Variants in HBS1L observed in about 807,000 individuals in gnomAD.
HBS1L encodes HBS1-like protein.
A neutral mutation model predicts 88.9 loss-of-function variants in HBS1L; 55 were observed. The observed-to-expected ratio is 0.62, with a 90% CI of 0.50 to 0.77. HBS1L has a LOEUF of 0.77. HBS1L is among the 30% of genes least tolerant of loss of function. The probability of loss-of-function intolerance (pLI) is 0.00; values close to 1 mark genes in which losing one functional copy is unlikely to be tolerated. For missense variants in HBS1L, 741 were observed against 829.3 expected (o/e 0.89, Z 1.31); for synonymous variants, 267 against 288.5 (o/e 0.93, Z 0.76).
chr6:135,013,195 G>A (rs1174251970), intron 4 of HBS1L, among the ~76,000 whole-genome samples: 1 of 152,144 alleles, frequency 6.6e-6, no homozygotes, highest in African/African-American at 2.4e-5. Flanking sequence ...GCCTAACAAA[G>A]ATGTTAGGAG....
At chr6:135,052,781 A>G (rs1244890456) in intron 1 of HBS1L, among the ~76,000 whole-genome samples, 1 of 152,148 alleles carries the variant, frequency 6.6e-6, no homozygotes, top group Non-Finnish European at 1.5e-5. Flanking sequence ...TAAAGTATGG[A>G]TTTTGCCTTC....
In HBS1L at chr6:134,963,110, G is replaced by A. The variant is rs1402557880; in HGVS notation, c.*2169C>T. On this transcript the variant is annotated 3_prime_UTR_variant, in exon 18 of 18. Transcript: ENST00000367837. ...GTCTTATATAATATACAGAGTGGAT[G>A]GTTTCTTGTTTTTACTCCCCCTACC... 1 of 152,054 alleles carries A rather than the reference G, an allele frequency of 6.6e-6. No homozygotes were observed. Among genetic ancestry groups the A allele is most frequent in the African/African-American group, 2.4e-5 (1 of 41,392 alleles). 9.4% of individuals were successfully genotyped at this position (152,054 alleles called of 1,614,324 possible). A position where few individuals can be genotyped will look rare whatever the true frequency, so the allele number is the denominator to read the frequency against.
intron 2 of HBS1L, among the ~76,000 whole-genome samples, chr6:135,050,090 C>G (rs563532532): frequency 2.3e-3 from 343 of 152,306 alleles, no homozygotes; most frequent in Middle Eastern, 0.01. Context: ...TGGAATTATA[C>G]AGAAATATGA....
chr6:134,985,622 C>T (rs1371521549), intron 11 of HBS1L, among the ~76,000 whole-genome samples: 3 of 152,008 alleles, frequency 2.0e-5, no homozygotes, highest in African/African-American at 7.2e-5. Flanking sequence ...TTTTTGAGCA[C>T]TGATATAATG....
intron 8 of HBS1L, among the ~76,000 whole-genome samples, chr6:134,988,645 A>G (rs1775048507): frequency 6.6e-6 from 1 of 152,242 alleles, no homozygotes; most frequent in African/African-American, 2.4e-5. Context: ...ACATTGTTAA[A>G]GATTTGAAAG....
At chr6:135,044,784 C>G (rs1363559129) in intron 2 of HBS1L, among the ~76,000 whole-genome samples, 1 of 152,110 alleles carries the variant, frequency 6.6e-6, no homozygotes, top group African/African-American at 2.4e-5. Flanking sequence ...CTCCTCCTAC[C>G]CATGAACTAG....
chr6:135,049,052 AGCC>A (rs1776999669), intron 2 of HBS1L, among the ~76,000 whole-genome samples: 1 of 152,254 alleles, frequency 6.6e-6, no homozygotes, highest in Non-Finnish European at 1.5e-5. Context: ...TTTATAAGAC[AGCC>A]CAGCGGACTA....
chr6:135,048,599 G>A (rs1562319652), intron 2 of HBS1L, among the ~76,000 whole-genome samples: 1 of 152,176 alleles, frequency 6.6e-6, no homozygotes, highest in African/African-American at 2.4e-5. Flanking sequence ...TTTCAACCTT[G>A]CCTTTTGTTC....
intron 1 of HBS1L, among the ~76,000 whole-genome samples, 177 bp downstream of exon 1, chr6:135,054,472 C>T (rs1185633806): frequency 6.6e-6 from 1 of 152,218 alleles, no homozygotes; most frequent in Non-Finnish European, 1.5e-5. Flanking sequence ...GAAATCATGA[C>T]TTAAAAACGA....
At chr6:135,038,087 A>G in intron 4 of HBS1L, 1 of 1,300,342 alleles carries the variant, frequency 7.7e-7, no homozygotes, top group Admixed American at 3.3e-5. Flanking sequence ...GAAGACAGTC[A>G]CAGCAACCAA....
chr6:135,030,183 G>A (rs968628980), intron 4 of HBS1L, among the ~76,000 whole-genome samples: 39 of 152,266 alleles, frequency 2.6e-4, no homozygotes, highest in African/African-American at 8.4e-4. Context: ...AAAAACAAGT[G>A]TATATACAAC....
rs576542434 is a variant in HBS1L at position 134,979,847 on chromosome 6, T to C, written c.1598-579A>G. Reference sequence around the variant, plus strand: ...ACTTCTTTCCAGAGAGAGATCTGCATACTAATGACTAGTTATATGAAAAGA... The same window carrying C: ...ACTTCTTTCCAGAGAGAGATCTGCACACTAATGACTAGTTATATGAAAAGA... On this transcript the variant is annotated intron_variant, in intron 13 of 17. Transcript: ENST00000367837. Among the ~76,000 whole-genome samples the C allele has an allele frequency of 4.7e-3, 716 of 152,172 alleles. 5 individuals carry two copies. Among genetic ancestry groups the C allele is most frequent in the South Asian group, 0.027 (130 of 4,822 alleles).
rs1230844861 is a variant in HBS1L at position 134,986,809 on chromosome 6, A to C, written c.1232T>G (p.Val411Gly). 1 of 1,528,744 alleles carries C rather than the reference A, an allele frequency of 6.5e-7. No homozygotes were observed. The highest frequency in any genetic ancestry group is 8.8e-7 in the Non-Finnish European group (1 of 1,131,832). 94.7% of individuals were successfully genotyped at this position (1,528,744 alleles called of 1,614,324 possible). The change falls in exon 10 of 18, where the codon GTT becomes GGT. Residue 411 changes from valine to glycine, a missense_variant and splice_region_variant. Transcript: ENST00000367837. ...TTGAAACCTTTCTTGTTGCCAATTA[A>C]CCTGATAAAGATCCAATTTATTTTT... ...LAVAVNKMDQ[V>G]NWQQERFQEI...
In HBS1L at chr6:134,961,329, A is replaced by G. The variant is rs1261700610; in HGVS notation, c.*3950T>C. 2.0e-5 allele frequency: 3 copies of G among 152,094 alleles called. No individual in the cohort carries two copies. The highest frequency in any genetic ancestry group is 2.9e-5 in the Non-Finnish European group (2 of 68,016). 9.4% of individuals were successfully genotyped at this position (152,094 alleles called of 1,614,324 possible). A position where few individuals can be genotyped will look rare whatever the true frequency, so the allele number is the denominator to read the frequency against. ...GTTTTGCATTGTATTTTACACCTACATTTACACTATTAACTTATTTGTACA... is the reference window on the plus strand; with the variant it reads ...GTTTTGCATTGTATTTTACACCTACGTTTACACTATTAACTTATTTGTACA... On this transcript the variant is annotated 3_prime_UTR_variant, in exon 18 of 18. Coordinates refer to ENST00000367837, the MANE Select transcript of HBS1L (RefSeq NM_006620.4).
intron 15 of HBS1L, among the ~76,000 whole-genome samples, chr6:134,973,041 T>G (rs1183109798): frequency 6.6e-6 from 1 of 152,182 alleles, no homozygotes; most frequent in Non-Finnish European, 1.5e-5. Flanking sequence ...TAGCAGTTCC[T>G]CAAAAAGTTA....
Position 134,965,138 on chromosome 6 carries a change from C to T in HBS1L, c.*141G>A. On this transcript the variant is annotated 3_prime_UTR_variant, in exon 18 of 18. Coordinates refer to ENST00000367837, the MANE Select transcript of HBS1L (RefSeq NM_006620.4). The stretch of plus-strand genomic sequence containing the variant: ...AGAGGTGATTATTAATACTTCTTTG[C>T]AGCTAATTTTAGCTTTAATTTTTCT... 1 of 747,726 alleles carries T rather than the reference C, an allele frequency of 1.3e-6. No individual in the cohort carries two copies. Among genetic ancestry groups the T allele is most frequent in the South Asian group, 1.6e-5 (1 of 63,082 alleles). 46.3% of individuals were successfully genotyped at this position (747,726 alleles called of 1,614,324 possible).
At chr6:134,980,195 C>T (rs764568324) in intron 13 of HBS1L, among the ~76,000 whole-genome samples, 7 of 151,878 alleles carry the variant, frequency 4.6e-5, no homozygotes, top group South Asian at 2.1e-4. Context: ...TATAATCCAC[C>T]CATATCTTTC....
At chr6:135,017,954 AAAC>A (rs1476230045) in intron 4 of HBS1L, among the ~76,000 whole-genome samples, 1 of 151,406 alleles carries the variant, frequency 6.6e-6, no homozygotes, top group Non-Finnish European at 1.5e-5. Context: ...GCCTTGGTGA[AAAC>A]AACATTCAAG....
intron 4 of HBS1L, among the ~76,000 whole-genome samples, chr6:135,018,727 C>G (rs929181514): frequency 2.0e-5 from 3 of 151,810 alleles, no homozygotes; most frequent in African/African-American, 7.2e-5. Context: ...CAAAACAAGG[C>G]CTTTTTGCTT....
Sources: gnomAD v4.1 joint callset for allele counts (sites outside exome capture counted in the v4.1 genomes callset) on GRCh38, gnomAD v4.1.1 for gene constraint, MANE v1.5 for transcripts, NCBI Gene and HGNC (gene_info 2026-07-23, HGNC 2026-07-21) for gene names.